The following SLC25A21 variants were observed in gnomAD, a reference collection of about 807,000 sequenced individuals.
The protein encoded by SLC25A21 is solute carrier family 25 member 21.
Under a neutral mutation model 43.8 loss-of-function variants are expected in SLC25A21, and 47 were observed. The observed-to-expected ratio is 1.07, with a 90% CI of 0.85 to 1.37. The LOEUF (loss-of-function observed/expected upper bound fraction) is 1.37. Among genes scored for constraint, SLC25A21 ranks in the 40% most tolerant of loss-of-function variants. The pLI, the probability that SLC25A21 is intolerant of heterozygous loss-of-function variation, is 0.00. For synonymous variants in SLC25A21, 131 were observed against 121.3 expected (o/e 1.08, Z -0.52); for missense variants, 352 against 350.2 (o/e 1.00, Z -0.04).
At chr14:37,064,172 T>C (rs1962010870) in intron 1 of SLC25A21, among the ~76,000 whole-genome samples, 1 of 152,068 alleles carries the variant, frequency 6.6e-6, no homozygotes, top group Non-Finnish European at 1.5e-5. Flanking sequence ...CTACTGGAAT[T>C]AGGACACCCT....
intron 1 of SLC25A21, among the ~76,000 whole-genome samples, chr14:37,123,982 T>C (rs567640584): frequency 6.6e-6 from 1 of 152,316 alleles, no homozygotes; most frequent in East Asian, 1.9e-4. Flanking sequence ...TTTTTCAAAT[T>C]AAGTTGGATT....
chr14:37,121,248 CATCCAGTT>C (rs1163887330), intron 1 of SLC25A21, among the ~76,000 whole-genome samples: 3 of 152,166 alleles, frequency 2.0e-5, no homozygotes, highest in Middle Eastern at 3.2e-3. Context: ...AGAATGGTTA[CATCCAGTT>C]ATTTGGTCCT....
chr14:37,080,926 A>G (rs1962375297), intron 1 of SLC25A21, among the ~76,000 whole-genome samples: 1 of 152,164 alleles, frequency 6.6e-6, no homozygotes, highest in African/African-American at 2.4e-5. Flanking sequence ...TGGCTAATCC[A>G]AAAGTTGTAG....
intron 1 of SLC25A21, among the ~76,000 whole-genome samples, chr14:37,049,249 T>C (rs542628311): frequency 4.4e-4 from 67 of 152,036 alleles, no homozygotes; most frequent in Middle Eastern, 3.4e-3. Context: ...AAACATAAAA[T>C]AAAATGAACA....
At chr14:36,969,255 C>A (rs796468338) in intron 1 of SLC25A21, among the ~76,000 whole-genome samples, 18 of 152,232 alleles carry the variant, frequency 1.2e-4, no homozygotes, top group African/African-American at 4.1e-4. Flanking sequence ...GTTAATAGAG[C>A]TTGTGTGCTG....
At chr14:36,920,015 A>T (rs1369990870) in intron 1 of SLC25A21, among the ~76,000 whole-genome samples, 2 of 152,052 alleles carry the variant, frequency 1.3e-5, no homozygotes, top group Non-Finnish European at 2.9e-5. Flanking sequence ...TGCTAATTTT[A>T]ACTCTGGAAA....
chr14:36,765,407 G>T (rs1452066289), intron 3 of SLC25A21, among the ~76,000 whole-genome samples: 1 of 152,188 alleles, frequency 6.6e-6, no homozygotes, highest in Non-Finnish European at 1.5e-5. Context: ...CCTCAAAAGG[G>T]TAAACAAAAT....
chr14:36,778,036 C>T (rs1424659206), intron 3 of SLC25A21, among the ~76,000 whole-genome samples: 1 of 152,164 alleles, frequency 6.6e-6, no homozygotes, highest in Admixed American at 6.5e-5. Flanking sequence ...TTCCACACTG[C>T]TGACTCCTCA....
At chr14:37,135,792 C>T (rs906825116) in intron 1 of SLC25A21, among the ~76,000 whole-genome samples, 3 of 152,312 alleles carry the variant, frequency 2.0e-5, no homozygotes, top group Non-Finnish European at 4.4e-5. Context: ...AATCCCAGCG[C>T]TGCCACTGAC....
At chr14:37,090,392 C>T (rs1323609289) in intron 1 of SLC25A21, among the ~76,000 whole-genome samples, 3 of 152,188 alleles carry the variant, frequency 2.0e-5, no homozygotes, top group Admixed American at 1.3e-4. Context: ...CACTTCCCAT[C>T]GCCATGTAGT....
chr14:37,051,738 T>C (rs897580209), intron 1 of SLC25A21, among the ~76,000 whole-genome samples: 16 of 152,290 alleles, frequency 1.1e-4, no homozygotes, highest in African/African-American at 3.4e-4. Flanking sequence ...AAAGGCCACC[T>C]GGTAGTTGCT....
intron 1 of SLC25A21, among the ~76,000 whole-genome samples, chr14:37,171,423 TAG>T (rs1413540710): frequency 1.0e-4 from 2 of 19,208 alleles, no homozygotes; most frequent in East Asian, 3.3e-3. Flanking sequence ...CAGGATTTAT[TAG>T]AGTTACTATA....
chr14:36,955,107 C>T (rs1176112434), intron 1 of SLC25A21, among the ~76,000 whole-genome samples: 1 of 152,102 alleles, frequency 6.6e-6, no homozygotes, highest in Non-Finnish European at 1.5e-5. Flanking sequence ...TCCTCAAAAC[C>T]TGGCCTAGTG....
chr14:36,742,968 T>G (rs557443885), intron 3 of SLC25A21, among the ~76,000 whole-genome samples: 1 of 152,306 alleles, frequency 6.6e-6, no homozygotes, highest in East Asian at 1.9e-4. Context: ...AACAATGAAA[T>G]TTTTTTGGGT....
At chr14:37,084,798 C>T (rs1285595421) in intron 1 of SLC25A21, among the ~76,000 whole-genome samples, 3 of 152,190 alleles carry the variant, frequency 2.0e-5, no homozygotes, top group African/African-American at 7.2e-5. Flanking sequence ...AATTCCTACA[C>T]AAACAATAGA....
rs183697017 is a variant in SLC25A21, at chr14:36,734,346, G to T, written c.270+161C>A. On this transcript the variant is annotated intron_variant, in intron 4 of 9. Transcript: ENST00000331299. ...TCTACAAATTGATCTACATATTTGA[G>T]AGACTGACCAAGTCTAATTATAATA... 2.9e-3 allele frequency among the ~76,000 whole-genome samples: 448 copies of T among 152,242 alleles called. 3 individuals carry two copies. Among genetic ancestry groups the T allele is most frequent in the Non-Finnish European group, 5.5e-3 (374 of 68,022 alleles).
intron 3 of SLC25A21, among the ~76,000 whole-genome samples, chr14:36,780,800 G>A (rs1887028964): frequency 6.6e-6 from 1 of 152,080 alleles, no homozygotes; most frequent in African/African-American, 2.4e-5. Context: ...GTATTTTGCT[G>A]CTGTTTGATA....
chr14:36,755,904 T>C (rs1393674283), intron 3 of SLC25A21, among the ~76,000 whole-genome samples: 1 of 152,176 alleles, frequency 6.6e-6, no homozygotes, highest in Admixed American at 6.5e-5. Context: ...AGGCTGGGAC[T>C]CAGCACATAA....
At chr14:36,816,000 T>A (rs998264226) in intron 2 of SLC25A21, among the ~76,000 whole-genome samples, 11 of 152,214 alleles carry the variant, frequency 7.2e-5, no homozygotes, top group African/African-American at 2.4e-4. Context: ...AGAAATAATA[T>A]ATTTTATAGT....
Sources: allele counts gnomAD v4.1 joint callset (sites outside exome capture counted in the v4.1 genomes callset), GRCh38; gene constraint gnomAD v4.1.1; transcripts MANE v1.5; gene names NCBI Gene and HGNC (gene_info 2026-07-23, HGNC 2026-07-21).